Variants in HDAC9 observed in about 807,000 individuals in gnomAD.
The protein encoded by HDAC9 is histone deacetylase 9.
Under a neutral mutation model 139.4 loss-of-function variants are expected in HDAC9, and 41 were observed. The observed-to-expected ratio is 0.29, with a 90% CI of 0.23 to 0.38. The LOEUF (loss-of-function observed/expected upper bound fraction) is 0.38, where lower values mean the gene tolerates loss of function less well. HDAC9 is among the 10% of genes least tolerant of loss of function. The probability of loss-of-function intolerance (pLI) is 1.00; values close to 1 mark genes in which losing one functional copy is unlikely to be tolerated. For synonymous variants in HDAC9, 517 were observed against 476.2 expected (o/e 1.09, Z -1.12); for missense variants, 1,147 against 1,297.0 (o/e 0.88, Z 1.78).
chr7:18,857,595 TAATG>T (rs1306178210), intron 21 of HDAC9, among the ~76,000 whole-genome samples: 4 of 152,170 alleles, frequency 2.6e-5, no homozygotes, highest in Non-Finnish European at 5.9e-5. Flanking sequence ...ATATCTGTAT[TAATG>T]AACGCATCCC....
intron 2 of HDAC9, among the ~76,000 whole-genome samples, chr7:18,228,983 T>G (rs1793260909): frequency 6.6e-6 from 1 of 152,184 alleles, no homozygotes; most frequent in South Asian, 2.1e-4. Context: ...GTTTTGTGGC[T>G]TATTAGACTT....
chr7:18,204,287 T>G (rs1791341381), intron 2 of HDAC9, among the ~76,000 whole-genome samples: 1 of 151,912 alleles, frequency 6.6e-6, no homozygotes, highest in Non-Finnish European at 1.5e-5. Context: ...TTATAAAGTT[T>G]TGCTATTACA....
intron 17 of HDAC9, among the ~76,000 whole-genome samples, chr7:18,808,849 G>A (rs545349988): frequency 4.0e-5 from 6 of 151,482 alleles, no homozygotes; most frequent in South Asian, 2.1e-4. Flanking sequence ...AAACAAAAAC[G>A]AAACACAACA....
At chr7:18,534,260 A>G (rs1178944773) in intron 2 of HDAC9, among the ~76,000 whole-genome samples, 1 of 152,216 alleles carries the variant, frequency 6.6e-6, no homozygotes, top group East Asian at 1.9e-4. Context: ...GTGGTTAGAA[A>G]GAATCCTTGC....
chr7:18,591,795 A>G (rs1831072752), intron 5 of HDAC9, among the ~76,000 whole-genome samples, 153 bp downstream of exon 5: 2 of 152,106 alleles, frequency 1.3e-5, no homozygotes, highest in African/African-American at 4.8e-5. Context: ...TTCCTTCTCC[A>G]TAAAAAGAGG....
At chr7:18,374,113 A>G (rs1453294195) in intron 1 of HDAC9, among the ~76,000 whole-genome samples, 1 of 151,704 alleles carries the variant, frequency 6.6e-6, no homozygotes, top group Non-Finnish European at 1.5e-5. Flanking sequence ...CATACTATGC[A>G]TATATATCAT....
At chr7:18,826,645 A>G (rs1449035328) in intron 17 of HDAC9, among the ~76,000 whole-genome samples, 5 of 135,158 alleles carry the variant, frequency 3.7e-5, no homozygotes, top group Non-Finnish European at 7.6e-5. Context: ...AGAGAATTCA[A>G]GTCTTTTTTT....
chr7:18,863,901 C>T (rs147234588), intron 21 of HDAC9, among the ~76,000 whole-genome samples: 1 of 152,306 alleles, frequency 6.6e-6, no homozygotes, highest in East Asian at 1.9e-4. Context: ...GTGAAATCTC[C>T]ATGGCCACTG....
intron 16 of HDAC9, among the ~76,000 whole-genome samples, chr7:18,768,521 G>A (rs984804407): frequency 2.6e-5 from 4 of 152,156 alleles, no homozygotes; most frequent in Admixed American, 2.0e-4. Flanking sequence ...CTCCTGTGGA[G>A]CTGGGAGCTT....
Position 18,996,371 on chromosome 7 carries a change from A to G in HDAC9, c.*309A>G, listed in dbSNP as rs1786464221. 3.3e-6 allele frequency: 1 copy of G among 300,056 alleles called. No homozygotes were observed. Among genetic ancestry groups the G allele is most frequent in the South Asian group, 4.0e-5 (1 of 25,300 alleles). The allele number at this position is 300,056 out of a possible 1,614,324, so 18.6% of individuals were successfully genotyped here. A position where few individuals can be genotyped will look rare whatever the true frequency, so the allele number is the denominator to read the frequency against. On this transcript the variant is annotated 3_prime_UTR_variant, in exon 26 of 26. Coordinates refer to ENST00000686413, the MANE Select transcript of HDAC9 (RefSeq NM_178425.4). ...CCTAGACACCAAGTTTGAACTAGAA[A>G]CATTCAGTACAGCACTAGATATTGT...
chr7:18,577,278 C>T (rs968433500), intron 2 of HDAC9, among the ~76,000 whole-genome samples: 6 of 152,152 alleles, frequency 3.9e-5, no homozygotes, highest in Non-Finnish European at 8.8e-5. Flanking sequence ...TTTCATTCCA[C>T]CTGTGCCTTG....
At chr7:18,242,167 C>T (rs1229536829) in intron 2 of HDAC9, among the ~76,000 whole-genome samples, 1 of 152,162 alleles carries the variant, frequency 6.6e-6, no homozygotes, top group Non-Finnish European at 1.5e-5. Flanking sequence ...CTTAGAATTT[C>T]CTTACCACTA....
In HDAC9 at chr7:18,436,125, C is replaced by G. The variant is rs549702681; in HGVS notation, c.-41-60137C>G. 8.8e-4 allele frequency among the ~76,000 whole-genome samples: 133 copies of G among 151,914 alleles called. 1 individual carries two copies. In the Middle Eastern group the frequency reaches 0.014, roughly 16 times the overall value. The stretch of plus-strand genomic sequence containing the variant: ...GAACAACTGCACTTGGCCGATTTTC[C>G]AATACTAATATTGATGACTCCTGTG... On this transcript the variant is annotated intron_variant, in intron 1 of 3. Transcript: ENST00000413509.
intron 2 of HDAC9, among the ~76,000 whole-genome samples, chr7:18,254,707 G>C (rs947242583): frequency 3.9e-5 from 6 of 152,184 alleles, no homozygotes; most frequent in Non-Finnish European, 5.9e-5. Flanking sequence ...TAAGTGTTCT[G>C]AAGGGAAATT....
intron 8 of HDAC9, among the ~76,000 whole-genome samples, chr7:18,636,294 C>A (rs916942400): frequency 6.6e-6 from 1 of 152,026 alleles, no homozygotes. Context: ...CCTGCCAGCC[C>A]CCCCTGCCCT....
intron 4 of HDAC9, among the ~76,000 whole-genome samples, chr7:18,591,239 C>T (rs1482326196): frequency 2.0e-5 from 3 of 151,898 alleles, no homozygotes; most frequent in African/African-American, 4.8e-5. Context: ...TTGGGAATTC[C>T]CTCTTTGCAA....
At chr7:18,774,127 A>G (rs935137336) in intron 16 of HDAC9, among the ~76,000 whole-genome samples, 4 of 152,088 alleles carry the variant, frequency 2.6e-5, no homozygotes, top group African/African-American at 7.2e-5. Context: ...TGAGTTTTAG[A>G]CTAGCAGTAT....
chr7:18,967,496 G>GCCCCCC (rs144020619), intron 24 of HDAC9, among the ~76,000 whole-genome samples: 1 of 104,780 alleles, frequency 9.5e-6, no homozygotes, highest in African/African-American at 4.0e-5. Flanking sequence ...AAATAAAGTT[G>GCCCCCC]CCCCCCCCCC....
chr7:18,830,364 C>G (rs560119414), intron 19 of HDAC9, among the ~76,000 whole-genome samples: 4 of 152,258 alleles, frequency 2.6e-5, no homozygotes, highest in African/African-American at 9.6e-5. Flanking sequence ...GGAAATGAAC[C>G]CTGGCATCCA....
Sources: gnomAD v4.1 joint callset for allele counts (sites outside exome capture counted in the v4.1 genomes callset) on GRCh38, gnomAD v4.1.1 for gene constraint, MANE v1.5 for transcripts, NCBI Gene and HGNC (gene_info 2026-07-23, HGNC 2026-07-21) for gene names.